The following NPIPB8 variants were observed in gnomAD, a reference collection of about 807,000 sequenced individuals.
The protein encoded by NPIPB8 is nuclear pore complex-interacting protein family member B8.
In NPIPB8, 3 loss-of-function variants were observed where a neutral mutation model predicts 5.3. That is an observed-to-expected ratio of 0.57 (90% CI 0.26 to 1.47). NPIPB8 has a LOEUF of 1.47. Ranked by LOEUF, NPIPB8 falls within the 40% of genes most tolerant of loss-of-function variation. NPIPB8 has a pLI of 0.13. For synonymous variants in NPIPB8, 18 were observed against 23.0 expected (o/e 0.78, Z 0.62); for missense variants, 50 against 50.2 (o/e 1.00, Z 0.01).
chr16:28,640,118 C>T (rs2047869087), intron 2 of NPIPB8, among the ~76,000 whole-genome samples: 1 of 151,818 alleles, frequency 6.6e-6, no homozygotes, highest in Non-Finnish European at 1.5e-5. Flanking sequence ...CAATAAGAGG[C>T]AGAGCTGGAA....
At chr16:28,639,815 C>T (rs979976132) in intron 2 of NPIPB8, among the ~76,000 whole-genome samples, 4 of 150,444 alleles carry the variant, frequency 2.7e-5, no homozygotes, top group African/African-American at 9.9e-5. Context: ...AAAGAATATG[C>T]ATAGTTTTAC....
intron 2 of NPIPB8, among the ~76,000 whole-genome samples, chr16:28,640,199 G>A (rs1447828702): frequency 2.0e-5 from 3 of 151,936 alleles, no homozygotes; most frequent in Non-Finnish European, 4.4e-5. Context: ...CAGAGTGTGG[G>A]GTAGATGGTG....
chr16:28,641,543 T>C (rs1051184558), intron 2 of NPIPB8, among the ~76,000 whole-genome samples: 2 of 141,948 alleles, frequency 1.4e-5, no homozygotes, highest in Admixed American at 1.4e-4. Flanking sequence ...CTAGGAGCCC[T>C]ACCTTCTGGC....
At chr16:28,638,521 C>T in intron 2 of NPIPB8, 41 bp downstream of exon 2, 1 of 1,516,332 alleles carries the variant, frequency 6.6e-7, no homozygotes, top group Middle Eastern at 2.3e-4. Flanking sequence ...TGCCCTTGAG[C>T]AGTTCCCGGG....
intron 2 of NPIPB8, among the ~76,000 whole-genome samples, chr16:28,642,056 CA>C (rs1163220604): frequency 2.6e-5 from 4 of 151,638 alleles, no homozygotes; most frequent in Admixed American, 2.0e-4. Context: ...CTTCAACCCC[CA>C]CTTACTTGGT....
At chr16:28,642,202 C>T (rs2411440) in intron 2 of NPIPB8, among the ~76,000 whole-genome samples, 73,006 of 150,056 alleles carry the variant, frequency 0.49, 19,498 homozygotes, top group African/African-American at 0.71. Context: ...GCCTCCCGGG[C>T]CCAAGGGATT....
Position 28,642,657 on chromosome 16 carries a change from A to G in NPIPB8, c.120+4177A>G, listed in dbSNP as rs3987712. On this transcript the variant is annotated intron_variant, in intron 2 of 7. Coordinates refer to ENST00000683297, the MANE Select transcript of NPIPB8 (RefSeq NM_001310136.2). ...CCACCACCACACCCGGCTAATTTTT[A>G]TATTTTATTAGAGACAGGGTTTCAC... Among the ~76,000 whole-genome samples the G allele has an allele frequency of 1.1e-3, 159 of 146,070 alleles. 1 individual carries two copies. Among genetic ancestry groups the G allele is most frequent in the African/African-American group, 3.9e-3 (153 of 39,456 alleles).
chr16:28,643,946 G>A (rs201300367), intron 2 of NPIPB8, among the ~76,000 whole-genome samples: 9,811 of 58,164 alleles, frequency 0.17, 3 homozygotes, highest in Non-Finnish European at 0.19. Context: ...GCGCCCAGAA[G>A]CAGGGACAGG....
At chr16:28,639,066 CAA>C (rs1351798406) in intron 2 of NPIPB8, among the ~76,000 whole-genome samples, 22 of 99,660 alleles carry the variant, frequency 2.2e-4, no homozygotes, top group Admixed American at 2.9e-4. Flanking sequence ...GAGACTCTGT[CAA>C]AAAAAAAAAA....
intron 2 of NPIPB8, among the ~76,000 whole-genome samples, chr16:28,640,083 T>G (rs1445326869): frequency 6.6e-6 from 1 of 151,610 alleles, no homozygotes; most frequent in Non-Finnish European, 1.5e-5. Context: ...GCTCAGAGAC[T>G]GAAAGTTAAG....
chr16:28,645,409 A>G (rs2047986050), intron 2 of NPIPB8, among the ~76,000 whole-genome samples: 1 of 42,714 alleles, frequency 2.3e-5, no homozygotes, highest in East Asian at 4.3e-4. Context: ...CAAGATCTAC[A>G]TTATTTTATT....
At chr16:28,652,594 G>A (rs2048059850) in intron 5 of NPIPB8, among the ~76,000 whole-genome samples, 1 of 109,082 alleles carries the variant, frequency 9.2e-6, no homozygotes, top group Non-Finnish European at 1.8e-5. Context: ...ACTGGCATTG[G>A]TTTTCCTTTC....
intron 3 of NPIPB8, among the ~76,000 whole-genome samples, chr16:28,651,057 T>C (rs1673529635): frequency 1.3e-5 from 1 of 79,560 alleles, no homozygotes; most frequent in South Asian, 4.7e-4. Flanking sequence ...GGATCTTGGC[T>C]CACTGCAACC....
chr16:28,644,587 G>A (rs768731540), intron 2 of NPIPB8: 50 of 1,529,582 alleles, frequency 3.3e-5, no homozygotes, highest in Non-Finnish European at 4.4e-5. Flanking sequence ...AAAGGACCAG[G>A]ACATGCGGCT....
intron 2 of NPIPB8, among the ~76,000 whole-genome samples, chr16:28,639,625 T>C (rs1228669670): frequency 3.8e-5 from 5 of 132,840 alleles, no homozygotes; most frequent in African/African-American, 1.4e-4. Flanking sequence ...CCAGCTAATT[T>C]TTGTATTCTT....
intron 2 of NPIPB8, among the ~76,000 whole-genome samples, chr16:28,642,983 C>A (rs576361023): frequency 6.6e-6 from 1 of 152,262 alleles, no homozygotes; most frequent in Non-Finnish European, 1.5e-5. Flanking sequence ...TGTGATCGGG[C>A]GGAAGGCCTG....
intron 2 of NPIPB8, among the ~76,000 whole-genome samples, chr16:28,643,089 G>A (rs2047935218): frequency 6.6e-6 from 1 of 151,480 alleles, no homozygotes; most frequent in Non-Finnish European, 1.5e-5. Context: ...CCTGCTTGGA[G>A]CTCCCCACCC....
chr16:28,640,180 T>C (rs566129465), intron 2 of NPIPB8, among the ~76,000 whole-genome samples: 1 of 152,114 alleles, frequency 6.6e-6, no homozygotes, highest in East Asian at 1.9e-4. Flanking sequence ...GGCAGGCTAG[T>C]CTGCATCACA....
At chr16:28,642,155 G>C (rs1184551632) in intron 2 of NPIPB8, among the ~76,000 whole-genome samples, 1 of 150,842 alleles carries the variant, frequency 6.6e-6, no homozygotes, top group Non-Finnish European at 1.5e-5. Context: ...ACCCAGGCTG[G>C]AGTGCAATGG....
Sources: gnomAD v4.1 joint callset for allele counts (sites outside exome capture counted in the v4.1 genomes callset) on GRCh38, gnomAD v4.1.1 for gene constraint, MANE v1.5 for transcripts, NCBI Gene and HGNC (gene_info 2026-07-23, HGNC 2026-07-21) for gene names.